The following SYNM variants were observed in gnomAD, a reference collection of about 807,000 sequenced individuals.
SYNM encodes synemin, also known as desmuslin.
In SYNM, 95 loss-of-function variants were observed where a neutral mutation model predicts 104.0. That is an observed-to-expected ratio of 0.91 (90% CI 0.77 to 1.08). The LOEUF (loss-of-function observed/expected upper bound fraction) is 1.08, where lower values mean the gene tolerates loss of function less well. Among genes scored for constraint, SYNM ranks in the 50% least tolerant of loss-of-function variants. The probability of loss-of-function intolerance (pLI) is 0.00; values close to 1 mark genes in which losing one functional copy is unlikely to be tolerated. For synonymous variants in SYNM, 918 were observed against 869.0 expected, an observed-to-expected ratio of 1.06 and a Z score of -0.99; for missense variants, 2,150 against 2,052.2, an observed-to-expected ratio of 1.05 and a Z score of -0.92.
chr15:99,126,373 GCTC>G (rs1442619084), intron 2 of SYNM, among the ~76,000 whole-genome samples: 1 of 152,228 alleles, frequency 6.6e-6, no homozygotes, highest in Non-Finnish European at 1.5e-5. Context: ...CCTTGCTCCT[GCTC>G]CTCTTCACCC....
At chr15:99,126,621 T>C (rs1196683126) in intron 2 of SYNM, 101 bp from the exon 3 acceptor site, 16 of 1,156,140 alleles carry the variant, frequency 1.4e-5, no homozygotes, top group Non-Finnish European at 2.0e-5. Context: ...CTAAAACAGG[T>C]GACACTATGG....
chr15:99,127,493 G>A (rs924221946), intron 3 of SYNM, among the ~76,000 whole-genome samples: 3 of 152,156 alleles, frequency 2.0e-5, no homozygotes, highest in South Asian at 2.1e-4. Flanking sequence ...ATTAAATTAC[G>A]TATAGAATGT....
downstream of SYNM, chr15:99,135,689 G>T (rs2067565568): frequency 6.6e-6 from 1 of 152,516 alleles, no homozygotes; most frequent in East Asian, 1.9e-4. Flanking sequence ...ATGTTTTTAG[G>T]GTAGCAGAGA....
intron 1 of SYNM, among the ~76,000 whole-genome samples, chr15:99,108,823 A>G (rs990154526): frequency 7.2e-5 from 11 of 152,220 alleles, no homozygotes; most frequent in African/African-American, 2.7e-4. Flanking sequence ...ATCAGAGAGA[A>G]ACCTTTAACC....
In SYNM at chr15:99,131,315, T is replaced by G; in HGVS notation, c.2955T>G (p.Asp985Glu). 1 of 1,612,962 alleles carries G rather than the reference T, an allele frequency of 6.2e-7. No individual in the cohort carries two copies. Among genetic ancestry groups the G allele is most frequent in the Non-Finnish European group, 8.5e-7 (1 of 1,179,618 alleles). Residue 985 changes from aspartate to glutamate, a missense_variant, in exon 4 of 4, where the codon GAT (aspartate) becomes GAG (glutamate). Coordinates refer to ENST00000336292, the MANE Select transcript of SYNM (RefSeq NM_145728.3). The surrounding 1 kb of genome is among the most constrained non-coding windows in gnomAD (Gnocchi z 4.3). ...GTGGGCCGGGGAGCGTTTCCGTGGA[T>G]GTCAAGAAGGTCCAGGGTGCTGGTG... ...GQGGPGSVSVDVKKVQGAGGS... is the reference protein window; with the variant it reads ...GQGGPGSVSVEVKKVQGAGGS...
chr15:99,129,248 C>A lies in SYNM; in HGVS notation c.1007-119C>A, dbSNP rs575103038. 964 of 1,377,420 alleles carry A rather than the reference C, an allele frequency of 7.0e-4. 2 individuals are homozygous for A. Among genetic ancestry groups the A allele is most frequent in the Non-Finnish European group, 8.7e-4 (901 of 1,034,742 alleles). 85.3% of individuals were successfully genotyped at this position (1,377,420 alleles called of 1,614,324 possible). On this transcript the variant is annotated intron_variant, in intron 3 of 3. Coordinates refer to ENST00000336292, the MANE Select transcript of SYNM (RefSeq NM_145728.3). ...ATAACTTATCTTTATAATGAGCTTT[C>A]TGTGGTAACAGTGTATATTTATTAT...
chr15:99,138,185 C>G, downstream of SYNM: 2 of 1,594,322 alleles, frequency 1.3e-6, no homozygotes, highest in Non-Finnish European at 1.7e-6. Flanking sequence ...CACACCGTTC[C>G]CATCCAGCCT....
chr15:99,105,998 G>C lies in SYNM; in HGVS notation c.799G>C (p.Glu267Gln), dbSNP rs1270695868. Residue 267 changes from glutamate to glutamine, a missense_variant, in exon 1 of 4, where the codon GAG becomes CAG. By Grantham distance (29) the Glu-to-Gln change is conservative. Coordinates refer to ENST00000336292, the MANE Select transcript of SYNM (RefSeq NM_145728.3). ...GCGCGAGGAGTACGGGATACAGGCC[G>C]AGGAGCGGCAGGTCCGTGCGCGGGG... The part of the protein sequence containing the change: ...RMREEYGIQA[E>Q]ERQRVIDCLE... 1.1e-5 allele frequency: 16 copies of C among 1,474,408 alleles called. No homozygotes were observed. The highest frequency in any genetic ancestry group is 1.4e-5 in the Non-Finnish European group (16 of 1,117,864). The allele number at this position is 1,474,408 out of a possible 1,614,324, so 91.3% of individuals were successfully genotyped here.
In SYNM at chr15:99,130,954, G is replaced by T. The variant is rs1567284005; in HGVS notation, c.2594G>T (p.Trp865Leu). ...IEEESTIRYS[W>L]QDEIVQGTRR... The stretch of plus-strand genomic sequence containing the variant: ...GAGGAATCCACCATCAGGTACTCTT[G>T]GCAGGATGAAATCGTGCAGGGGACT... Residue 865 changes from tryptophan to leucine, a missense_variant, in exon 4 of 4, where the codon TGG becomes TTG. Transcript: ENST00000336292. The T allele has an allele frequency of 7.4e-6, 12 of 1,613,836 alleles. No individual in the cohort carries two copies. The highest frequency in any genetic ancestry group is 9.3e-6 in the Non-Finnish European group (11 of 1,179,840).
In SYNM at chr15:99,134,946, T is replaced by G. The variant is rs1567287562; in HGVS notation, c.*1888T>G. On this transcript the variant is annotated 3_prime_UTR_variant, in exon 4 of 4. Transcript: ENST00000336292. ...CAGACAGAGATGTGCTGATTTTGTTTTAGCTGTAACAGGTAATGGTTTTTG... is the reference window on the plus strand; with the variant it reads ...CAGACAGAGATGTGCTGATTTTGTTGTAGCTGTAACAGGTAATGGTTTTTG... 6.6e-6 allele frequency: 1 copy of G among 152,236 alleles called. No individual in the cohort carries two copies. The highest frequency in any genetic ancestry group is 1.5e-5 in the Non-Finnish European group (1 of 68,038). The allele number at this position is 152,236 out of a possible 1,614,324, so 9.4% of individuals were successfully genotyped here.
intron 3 of SYNM, chr15:99,129,144 TA>T (rs2067473694): frequency 5.1e-6 from 3 of 587,272 alleles, no homozygotes; most frequent in Non-Finnish European, 8.7e-6. Flanking sequence ...AGAAACGTGT[TA>T]GGCTGAAGTA....
intron 1 of SYNM, among the ~76,000 whole-genome samples, chr15:99,108,712 T>C (rs1277871837): frequency 6.6e-6 from 1 of 152,156 alleles, no homozygotes; most frequent in Non-Finnish European, 1.5e-5. Flanking sequence ...CTGAGGCACA[T>C]AAGTCACCTG....
chr15:99,129,794 G>C lies in SYNM; in HGVS notation c.1434G>C (p.Lys478Asn). 1 of 1,613,444 alleles carries C rather than the reference G, an allele frequency of 6.2e-7. No homozygotes were observed. Among genetic ancestry groups the C allele is most frequent in the South Asian group, 1.1e-5 (1 of 91,070 alleles). Residue 478 changes from lysine to asparagine, a missense_variant, in exon 4 of 4, where the codon AAG becomes AAC. Transcript: ENST00000336292. Reference protein sequence around the residue: ...ARESYRDRRDKVAAGASESTR... With the variant: ...ARESYRDRRDNVAAGASESTR... ...AGTCGTACCGGGATCGCCGAGACAA[G>C]GTGGCAGCAGGTGCTTCGGAAAGCA...
Position 99,133,151 on chromosome 15 carries a change from G to A in SYNM, c.*93G>A, listed in dbSNP as rs1209851291. The A allele has an allele frequency of 2.6e-5, 40 of 1,533,220 alleles. No homozygotes were observed. The highest frequency in any genetic ancestry group is 3.2e-5 in the Non-Finnish European group (37 of 1,149,556). 95.0% of individuals were successfully genotyped at this position (1,533,220 alleles called of 1,614,324 possible). A position where few individuals can be genotyped will look rare whatever the true frequency, so the allele number is the denominator to read the frequency against. ...ATTTTAAGAGGCCGAGGGAGTCTAT[G>A]AAAATCTCCCCTTTTTTACTTTTTT... On this transcript the variant is annotated 3_prime_UTR_variant, in exon 4 of 4. Coordinates refer to ENST00000336292, the MANE Select transcript of SYNM (RefSeq NM_145728.3).
At position 99,132,659 on chromosome 15, in the gene SYNM, G is replaced by A. The variant is rs373212111; in HGVS notation, c.4299G>A (p.Ala1433=). Residue 1433 remains alanine, a synonymous_variant, in exon 4 of 4, where the codon GCG becomes GCA. Transcript: ENST00000336292. ...VSRTFVLAGS[A]DSPELGKLAD... Reference sequence around the variant, plus strand: ...GAACATTTGTGCTTGCTGGTTCAGCGGACTCCCCTGAGCTAGGCAAGTTAG... The same window carrying A: ...GAACATTTGTGCTTGCTGGTTCAGCAGACTCCCCTGAGCTAGGCAAGTTAG... 6.8e-6 allele frequency: 11 copies of A among 1,613,898 alleles called. No individual in the cohort carries two copies. The highest frequency in any genetic ancestry group is 1.7e-5 in the Admixed American group (1 of 60,004).
At position 99,117,762 on chromosome 15, in the gene SYNM, G is replaced by A. The variant is rs1338605096; in HGVS notation, c.935+4047G>A. On this transcript the variant is annotated intron_variant, in intron 2 of 3. Transcript: ENST00000336292. ...TTTTGGTAGGGTATTCACAAGCCAC[G>A]GGGCCTGCCTTTTTGGTAGGGTATT... is the stretch of plus-strand genomic sequence containing the variant. Among the ~76,000 whole-genome samples the A allele has an allele frequency of 4.0e-5, 6 of 151,734 alleles. No individual in the cohort carries two copies. The East Asian group carries it at 7.8e-4, about 20-fold the overall frequency.
At chr15:99,138,181 G>T (rs572149667), downstream of SYNM, 119 of 1,598,426 alleles carry the variant, frequency 7.4e-5, no homozygotes, top group East Asian at 2.7e-3. Flanking sequence ...CCCCCACACC[G>T]TTCCCATCCA....
intron 1 of SYNM, among the ~76,000 whole-genome samples, chr15:99,106,275 C>T (rs1367391326): frequency 6.6e-6 from 1 of 152,220 alleles, no homozygotes; most frequent in Admixed American, 6.5e-5. Flanking sequence ...TAACTCTTGA[C>T]AAGCGTGACT....
At chr15:99,139,364 C>T, downstream of SYNM, 1 of 1,614,080 alleles carries the variant, frequency 6.2e-7, no homozygotes. Flanking sequence ...TCCTTTTGTC[C>T]TGCGGTCCAT....
Sources: gnomAD v4.1 joint callset for allele counts (sites outside exome capture counted in the v4.1 genomes callset) on GRCh38, gnomAD v4.1.1 for gene constraint, Gnocchi (gnomAD v3.1) non-coding constraint, MANE v1.5 for transcripts, NCBI Gene and HGNC (gene_info 2026-07-23, HGNC 2026-07-21) for gene names.